Variants in DACH1 observed in about 807,000 individuals in gnomAD.
DACH1 encodes the protein dachshund homolog 1.
In DACH1, 12 loss-of-function variants were observed where a neutral mutation model predicts 54.2. The observed-to-expected ratio is 0.22, with a 90% CI of 0.14 to 0.36. The LOEUF is 0.36. Among genes scored for constraint, DACH1 ranks in the 10% least tolerant of loss-of-function variants. DACH1 has a pLI of 1.00. For synonymous variants in DACH1, 386 were observed against 366.2 expected, an observed-to-expected ratio of 1.05 and a Z score of -0.62; for missense variants, 805 against 929.8, an observed-to-expected ratio of 0.87 and a Z score of 1.75.
chr13:71,609,436 C>T (rs1875136665), intron 3 of DACH1, among the ~76,000 whole-genome samples: 1 of 152,114 alleles, frequency 6.6e-6, no homozygotes, highest in Non-Finnish European at 1.5e-5. Context: ...GGAAACCATG[C>T]TTCTTTAGTC....
rs79391011 is a variant in DACH1, at chr13:71,473,621, A to G, written c.2083+1520T>C. Reference sequence around the variant, plus strand: ...CATATTATATCATCAACCATACAAAAATGTTTAATCACTTCTTAATATTAA... The same window carrying G: ...CATATTATATCATCAACCATACAAAGATGTTTAATCACTTCTTAATATTAA... On this transcript the variant is annotated intron_variant, in intron 10 of 10. Transcript: ENST00000613252. Among the ~76,000 whole-genome samples, 101 of 152,294 alleles carry G rather than the reference A, an allele frequency of 6.6e-4. 2 individuals are homozygous for G. The East Asian group carries it at 0.019, about 28-fold the overall frequency.
chr13:71,681,892 A>T lies in DACH1; in HGVS notation c.867T>A (p.Pro289=). ...CTNASSRPGR[P]PKRTQSVTSP... ...AGGTGACACTTTGAGTCCTCTTAGGAGGCCTTCCAGGTCTAGAACTGAAAC... is the reference window on the plus strand; with the variant it reads ...AGGTGACACTTTGAGTCCTCTTAGGTGGCCTTCCAGGTCTAGAACTGAAAC... The change falls in exon 2 of 11, where the codon CCT becomes CCA. Residue 289 remains proline, a synonymous_variant. Coordinates refer to ENST00000613252, the MANE Select transcript of DACH1 (RefSeq NM_080759.6). 6.2e-7 allele frequency: 1 copy of T among 1,612,356 alleles called. No homozygotes were observed. The highest frequency in any genetic ancestry group is 8.5e-7 in the Non-Finnish European group (1 of 1,178,926).
chr13:71,833,776 A>C (rs934051763), intron 1 of DACH1, among the ~76,000 whole-genome samples: 4 of 152,082 alleles, frequency 2.6e-5, no homozygotes, highest in Non-Finnish European at 4.4e-5. Flanking sequence ...GCTAAAATAA[A>C]AAAGTGTCTT....
At position 71,489,083 on chromosome 13, in the gene DACH1, C is replaced by G. The variant is rs910034721; in HGVS notation, c.1636G>C (p.Gly546Arg). The stretch of plus-strand genomic sequence containing the variant: ...GGAAAACCTGGAGGCAGTGGTTGTC[C>G]ATGCCCAGTTAGAGAGAGTTTGTCA... ...SLDKLSLTGH[G>R]QPLPPGFPSP... Residue 546 changes from glycine to arginine, a missense_variant, in exon 7 of 11, where the codon GGA becomes CGA. Gly to Arg is a moderately radical substitution (Grantham distance 125). This residue lies in a region of DACH1 where 472 missense variants were observed against 545.3 expected (regional missense o/e 0.87). Coordinates refer to ENST00000613252, the MANE Select transcript of DACH1 (RefSeq NM_080759.6). The G allele has an allele frequency of 5.0e-6, 8 of 1,613,772 alleles. No individual in the cohort carries two copies. The highest frequency in any genetic ancestry group is 6.8e-6 in the Non-Finnish European group (8 of 1,179,840).
intron 6 of DACH1, among the ~76,000 whole-genome samples, chr13:71,552,661 T>C (rs150381245): frequency 6.6e-6 from 1 of 150,480 alleles, no homozygotes; most frequent in Non-Finnish European, 1.5e-5. Context: ...TATTACAGCC[T>C]ATTCCACTAT....
intron 3 of DACH1, among the ~76,000 whole-genome samples, chr13:71,593,497 A>G (rs1873876839): frequency 6.6e-6 from 1 of 152,110 alleles, no homozygotes; most frequent in South Asian, 2.1e-4. Flanking sequence ...GTAATCAATA[A>G]TACTCCCAGT....
intron 2 of DACH1, among the ~76,000 whole-genome samples, chr13:71,652,437 A>C (rs1594049160): frequency 6.6e-6 from 1 of 152,024 alleles, no homozygotes; most frequent in Non-Finnish European, 1.5e-5. Flanking sequence ...CCTGTCCCTC[A>C]CCTACCTTTC....
intron 1 of DACH1, among the ~76,000 whole-genome samples, chr13:71,762,068 T>C (rs1885420921): frequency 6.6e-6 from 1 of 152,158 alleles, no homozygotes; most frequent in South Asian, 2.1e-4. Flanking sequence ...AAAGTCTGTA[T>C]TGTTATGTTA....
intron 2 of DACH1, among the ~76,000 whole-genome samples, chr13:71,671,830 A>T (rs1384953554): frequency 6.6e-6 from 1 of 152,110 alleles, no homozygotes; most frequent in Non-Finnish European, 1.5e-5. Flanking sequence ...AATACATTCC[A>T]CTTTCTGACA....
intron 10 of DACH1, among the ~76,000 whole-genome samples, chr13:71,441,582 C>T (rs994855694): frequency 5.3e-5 from 8 of 151,802 alleles, no homozygotes; most frequent in Admixed American, 2.6e-4. Context: ...GAAAGTTTTC[C>T]GAGCTTTGAA....
At chr13:71,553,137 C>T (rs1433702106) in intron 6 of DACH1, among the ~76,000 whole-genome samples, 29 of 122,922 alleles carry the variant, frequency 2.4e-4, no homozygotes, top group African/African-American at 8.6e-4. Context: ...GTATATTAGA[C>T]ATATATCCAT....
intron 6 of DACH1, among the ~76,000 whole-genome samples, chr13:71,549,920 A>G (rs1883700769): frequency 6.6e-6 from 1 of 152,168 alleles, no homozygotes; most frequent in Non-Finnish European, 1.5e-5. Flanking sequence ...GGTTCATTGA[A>G]ATTGTATTAA....
At chr13:71,482,227 G>A (rs1450912798) in intron 7 of DACH1, among the ~76,000 whole-genome samples, 1 of 151,898 alleles carries the variant, frequency 6.6e-6, no homozygotes, top group Non-Finnish European at 1.5e-5. Flanking sequence ...ATTTTTTAGA[G>A]ATTGAGTTTT....
At chr13:71,612,057 G>A (rs1297339383) in intron 3 of DACH1, among the ~76,000 whole-genome samples, 2 of 152,134 alleles carry the variant, frequency 1.3e-5, no homozygotes, top group Admixed American at 1.3e-4. Flanking sequence ...GTTGTTATAA[G>A]TTTAGGGGAA....
At chr13:71,613,178 C>T (rs1251587749) in intron 3 of DACH1, among the ~76,000 whole-genome samples, 4 of 152,028 alleles carry the variant, frequency 2.6e-5, no homozygotes, top group African/African-American at 9.7e-5. Flanking sequence ...GTAGGAATTC[C>T]AAAATTTAAG....
intron 6 of DACH1, among the ~76,000 whole-genome samples, chr13:71,495,823 G>C (rs185057484): frequency 2.6e-4 from 39 of 152,160 alleles, no homozygotes; most frequent in African/African-American, 7.7e-4. Flanking sequence ...AGCCCATAAG[G>C]AAAGAAATCG....
chr13:71,534,433 T>C (rs1469655064), intron 6 of DACH1, among the ~76,000 whole-genome samples: 2 of 151,990 alleles, frequency 1.3e-5, no homozygotes, highest in African/African-American at 4.8e-5. Flanking sequence ...GAAATATTTA[T>C]TACTTTAATA....
intron 1 of DACH1, among the ~76,000 whole-genome samples, chr13:71,861,653 G>C (rs998703584): frequency 1.3e-5 from 2 of 151,890 alleles, no homozygotes; most frequent in Admixed American, 1.3e-4. Flanking sequence ...GATATAAAAT[G>C]AGACATTAGG....
At chr13:71,632,820 T>C (rs746507906) in intron 2 of DACH1, among the ~76,000 whole-genome samples, 2 of 152,196 alleles carry the variant, frequency 1.3e-5, no homozygotes, top group Non-Finnish European at 2.9e-5. Flanking sequence ...GGGTTTGATC[T>C]GAACATTCAT....
Sources: allele counts gnomAD v4.1 joint callset (sites outside exome capture counted in the v4.1 genomes callset), GRCh38; gene constraint gnomAD v4.1.1; regional missense constraint gnomAD v4.1.1; transcripts MANE v1.5; gene names NCBI Gene and HGNC (gene_info 2026-07-23, HGNC 2026-07-21).